Variants in CNTN6 observed in about 807,000 individuals in gnomAD.
CNTN6 encodes contactin 6.
A neutral mutation model predicts 122.8 loss-of-function variants in CNTN6; 137 were observed. The ratio of observed to expected loss-of-function variants is 1.12; its 90% CI spans 0.97 to 1.29. CNTN6 has a LOEUF of 1.29. Among genes scored for constraint, CNTN6 ranks in the 50% most tolerant of loss-of-function variants. The pLI, the probability that CNTN6 is intolerant of heterozygous loss-of-function variation, is 0.00. For synonymous variants in CNTN6, 570 were observed against 426.0 expected (o/e 1.34, Z -4.16); for missense variants, 1,634 against 1,223.4 (o/e 1.34, Z -5.01).
At chr3:1,319,688 TAAA>T (rs1700577251) in intron 7 of CNTN6, among the ~76,000 whole-genome samples, 2 of 151,564 alleles carry the variant, frequency 1.3e-5, no homozygotes, top group African/African-American at 4.8e-5. Context: ...TTTGCTGTCA[TAAA>T]AAGATAAAGG....
chr3:1,221,264 G>GA (rs555599418), intron 3 of CNTN6, among the ~76,000 whole-genome samples: 9 of 149,708 alleles, frequency 6.0e-5, no homozygotes, highest in South Asian at 4.3e-4. Context: ...GAAGAGAAAG[G>GA]AAAAAAAAAG....
At chr3:1,099,881 C>G (rs1359780733) in intron 1 of CNTN6, among the ~76,000 whole-genome samples, 7 of 152,044 alleles carry the variant, frequency 4.6e-5, no homozygotes, top group African/African-American at 7.2e-5. Context: ...AAATGGTATA[C>G]TCCCTTTATC....
intron 4 of CNTN6, among the ~76,000 whole-genome samples, chr3:1,250,154 G>A (rs1464163540): frequency 6.6e-6 from 1 of 152,146 alleles, no homozygotes. Flanking sequence ...TGTCCAGTAA[G>A]CCAAAATATG....
intron 12 of CNTN6, among the ~76,000 whole-genome samples, chr3:1,361,108 T>A (rs973805115): frequency 1.5e-4 from 23 of 152,152 alleles, no homozygotes; most frequent in African/African-American, 5.1e-4. Flanking sequence ...CCAGGGGACA[T>A]TGGCAAAATA....
chr3:1,255,080 G>A (rs2094731296), intron 4 of CNTN6, among the ~76,000 whole-genome samples: 1 of 152,108 alleles, frequency 6.6e-6, no homozygotes, highest in South Asian at 2.1e-4. Context: ...TGCTACTCCA[G>A]GCTTTTACCA....
At chr3:1,141,762 A>G (rs1394035412) in intron 1 of CNTN6, among the ~76,000 whole-genome samples, 2 of 152,112 alleles carry the variant, frequency 1.3e-5, no homozygotes, top group East Asian at 1.9e-4. Flanking sequence ...ATAATTTTCT[A>G]TTTTCCCCCA....
intron 4 of CNTN6, among the ~76,000 whole-genome samples, chr3:1,229,728 T>C (rs920620095): frequency 6.6e-6 from 1 of 152,226 alleles, no homozygotes; most frequent in East Asian, 1.9e-4. Flanking sequence ...GAAGAAATTA[T>C]ATGCTTTCAT....
chr3:1,285,018 G>T (rs1026383009), intron 5 of CNTN6, among the ~76,000 whole-genome samples: 1 of 152,166 alleles, frequency 6.6e-6, no homozygotes, highest in African/African-American at 2.4e-5. Context: ...ATTCAGAAGA[G>T]TGACATGCTT....
At position 1,325,712 on chromosome 3, in the gene CNTN6, C is replaced by G. The variant is rs1475743541; in HGVS notation, c.947-103C>G. The G allele has an allele frequency of 7.5e-6, 9 of 1,204,778 alleles. No individual in the cohort carries two copies. The African/African-American group carries it at 1.4e-4, about 19-fold the overall frequency. 74.6% of individuals were successfully genotyped at this position (1,204,778 alleles called of 1,614,324 possible). A position where few individuals can be genotyped will look rare whatever the true frequency, so the allele number is the denominator to read the frequency against. On this transcript the variant is annotated intron_variant, in intron 8 of 22. Transcript: ENST00000446702. ...TCGTGTGTGTGCAATCCAACTGGAC[C>G]CAGTTAGCCTTGTCCTTCTGATCTC...
chr3:1,175,160 A>G (rs1299147423), intron 2 of CNTN6, among the ~76,000 whole-genome samples: 1 of 141,206 alleles, frequency 7.1e-6, no homozygotes, highest in Non-Finnish European at 1.5e-5. Flanking sequence ...TGAGGGTGGG[A>G]GGCCCAGACT....
At chr3:1,382,726 T>C (rs1274738333) in intron 17 of CNTN6, among the ~76,000 whole-genome samples, 2 of 152,316 alleles carry the variant, frequency 1.3e-5, no homozygotes, top group East Asian at 3.9e-4. Flanking sequence ...GTTTTATATT[T>C]CTATCTGAAA....
In CNTN6 at chr3:1,273,533, T is replaced by C. The variant is rs1484023696; in HGVS notation, c.359-4880T>C. 2.0e-5 allele frequency among the ~76,000 whole-genome samples: 3 copies of C among 152,156 alleles called. No homozygotes were observed. The South Asian group carries it at 6.3e-4, about 32-fold the overall frequency. On this transcript the variant is annotated intron_variant, in intron 4 of 22. Transcript: ENST00000446702. ...CCAGCTAGCAGAAGGGTATTTGAAA[T>C]ACAGATTGGATCTGTACAATAGACC... is the stretch of plus-strand genomic sequence containing the variant.
chr3:1,238,040 G>C (rs1229989153), intron 4 of CNTN6, among the ~76,000 whole-genome samples: 1 of 151,634 alleles, frequency 6.6e-6, no homozygotes, highest in South Asian at 2.1e-4. Context: ...AAACCACAAG[G>C]TATTCAGGCA....
At chr3:1,300,553 AAGAAAAAG>A (rs1216821434) in intron 7 of CNTN6, among the ~76,000 whole-genome samples, 1 of 89,770 alleles carries the variant, frequency 1.1e-5, no homozygotes, top group Middle Eastern at 6.0e-3. Flanking sequence ...AAGAAAGAGA[AAGAAAAAG>A]AAAGAAAGAA....
At chr3:1,361,923 T>C (rs931168011) in intron 12 of CNTN6, among the ~76,000 whole-genome samples, 3 of 151,984 alleles carry the variant, frequency 2.0e-5, no homozygotes, top group African/African-American at 7.2e-5. Context: ...AAATCAGGAA[T>C]GAAGAAACCA....
intron 20 of CNTN6, among the ~76,000 whole-genome samples, chr3:1,386,447 CAGAATCTGCT>C (rs1365191268): frequency 6.6e-6 from 1 of 151,644 alleles, no homozygotes; most frequent in Non-Finnish European, 1.5e-5. Flanking sequence ...TTCACAGAAT[CAGAATCTGCT>C]ACATAAAAGA....
chr3:1,278,070 G>T (rs1304846523), intron 4 of CNTN6, among the ~76,000 whole-genome samples: 1 of 152,192 alleles, frequency 6.6e-6, no homozygotes, highest in East Asian at 1.9e-4. Context: ...CAGCAAACTT[G>T]TGACATACCT....
chr3:1,326,480 C>A (rs1234877380), intron 9 of CNTN6, among the ~76,000 whole-genome samples: 1 of 151,800 alleles, frequency 6.6e-6, no homozygotes, highest in Non-Finnish European at 1.5e-5. Flanking sequence ...AGGACCCAAT[C>A]TCTTAGTCAC....
chr3:1,292,355 G>T (rs1695466598), intron 5 of CNTN6, among the ~76,000 whole-genome samples: 2 of 152,054 alleles, frequency 1.3e-5, no homozygotes, highest in South Asian at 4.1e-4. Flanking sequence ...TTTGTGACTG[G>T]CTTTTGCTAC....
Sources: allele counts gnomAD v4.1 joint callset (sites outside exome capture counted in the v4.1 genomes callset), GRCh38; gene constraint gnomAD v4.1.1; transcripts MANE v1.5; gene names NCBI Gene and HGNC (gene_info 2026-07-23, HGNC 2026-07-21).